Variants in FAM120A observed in about 807,000 individuals in gnomAD.
FAM120A encodes the protein family with sequence similarity 120 member A.
A neutral mutation model predicts 109.7 loss-of-function variants in FAM120A; 15 were observed. The ratio of observed to expected loss-of-function variants is 0.14; its 90% confidence interval spans 0.09 to 0.21. FAM120A has a LOEUF of 0.21. FAM120A is among the 10% of genes least tolerant of loss of function. The pLI is 1.00. For synonymous variants in FAM120A, 493 were observed against 572.8 expected (o/e 0.86, Z 1.99); for missense variants, 899 against 1,439.3 (o/e 0.62, Z 6.07).
At chr9:93,512,145 T>A (rs904847527) in intron 5 of FAM120A, among the ~76,000 whole-genome samples, 1 of 152,200 alleles carries the variant, frequency 6.6e-6, no homozygotes, top group Non-Finnish European at 1.5e-5. Flanking sequence ...TTGTTACTCT[T>A]TGTTTTGTTT....
intron 5 of FAM120A, among the ~76,000 whole-genome samples, chr9:93,503,963 G>A (rs1859918812): frequency 1.3e-5 from 2 of 152,190 alleles, no homozygotes; most frequent in South Asian, 4.1e-4. Flanking sequence ...ACAGATGAAT[G>A]TATAGTGGGG....
chr9:93,476,666 T>C (rs1285013894), intron 3 of FAM120A, among the ~76,000 whole-genome samples: 1 of 152,178 alleles, frequency 6.6e-6, no homozygotes, highest in African/African-American at 2.4e-5. Context: ...AATTTTGTCT[T>C]TAGGTAGTAT....
At chr9:93,481,375 A>G (rs1193378729) in intron 3 of FAM120A, among the ~76,000 whole-genome samples, 2 of 152,290 alleles carry the variant, frequency 1.3e-5, no homozygotes, top group Middle Eastern at 3.4e-3. Flanking sequence ...TTAAAAAAAC[A>G]TGTTTCTTGT....
intron 1 of FAM120A, among the ~76,000 whole-genome samples, chr9:93,461,123 A>G (rs950855217): frequency 1.3e-5 from 2 of 152,222 alleles, no homozygotes; most frequent in African/African-American, 4.8e-5. Context: ...TCTGTGATTT[A>G]GAAACGGTAC....
At chr9:93,523,454 C>CCTG in intron 7 of FAM120A, 1 of 446,586 alleles carries the variant, frequency 2.2e-6, no homozygotes, top group Non-Finnish European at 3.7e-6. Context: ...CAGATATCCA[C>CCTG]TTTATATTTA....
intron 3 of FAM120A, among the ~76,000 whole-genome samples, chr9:93,495,311 T>A (rs545541942): frequency 8.5e-5 from 13 of 152,250 alleles, no homozygotes; most frequent in Non-Finnish European, 1.9e-4. Context: ...TGTTAGCTAA[T>A]ATACCACCAT....
At chr9:93,479,650 A>G (rs1858710783) in intron 3 of FAM120A, among the ~76,000 whole-genome samples, 1 of 152,226 alleles carries the variant, frequency 6.6e-6, no homozygotes, top group Non-Finnish European at 1.5e-5. Flanking sequence ...GGAAGTCATC[A>G]GTAGTCGATA....
chr9:93,557,913 C>T lies in FAM120A; in HGVS notation c.2571C>T (p.Phe857=), dbSNP rs1366005266. The T allele has an allele frequency of 6.2e-7, 1 of 1,611,580 alleles. No homozygotes were observed. The highest frequency in any genetic ancestry group is 2.2e-5 in the East Asian group (1 of 44,872). ...CCAGGCAGAGCCACACGCTCCCTTT[C>T]CCGCCGCCACCTGCCCTGCCCTTCT... ...SFSRQSHTLP[F]PPPPALPFYP... The change falls in exon 14 of 18, where the codon TTC becomes TTT. Residue 857 remains phenylalanine, a synonymous_variant. Coordinates refer to ENST00000277165, the MANE Select transcript of FAM120A (RefSeq NM_014612.5).
intron 17 of FAM120A, among the ~76,000 whole-genome samples, chr9:93,563,865 C>T (rs1473203312): frequency 6.6e-6 from 1 of 152,148 alleles, no homozygotes; most frequent in African/African-American, 2.4e-5. Context: ...ATGTGGGAGA[C>T]CCTGTTTGTT....
intron 11 of FAM120A, among the ~76,000 whole-genome samples, chr9:93,545,812 G>A (rs1176231822): frequency 7.8e-5 from 5 of 64,472 alleles, no homozygotes; most frequent in African/African-American, 2.2e-4. Flanking sequence ...TTTTTGAGAC[G>A]GAGTTTTTTG....
intron 5 of FAM120A, among the ~76,000 whole-genome samples, chr9:93,502,599 C>T (rs566013924): frequency 4.0e-5 from 6 of 151,218 alleles, no homozygotes; most frequent in African/African-American, 9.7e-5. Context: ...CACACACACA[C>T]GCACACTTGC....
At chr9:93,462,019 C>A (rs4744241) in intron 1 of FAM120A, among the ~76,000 whole-genome samples, 144,450 of 152,296 alleles carry the variant, frequency 0.95, 68,576 homozygotes, top group East Asian at 1. Flanking sequence ...TTGCGAAAGC[C>A]AAAAAGAAGT....
intron 14 of FAM120A, 140 bp from the exon 15 acceptor site, chr9:93,558,441 A>C: frequency 9.5e-7 from 1 of 1,051,330 alleles, no homozygotes; most frequent in South Asian, 1.6e-5. Context: ...TGGGCACAGG[A>C]CAGTGAGGTG....
intron 5 of FAM120A, among the ~76,000 whole-genome samples, chr9:93,505,639 G>T (rs912827348): frequency 6.6e-6 from 1 of 152,196 alleles, no homozygotes; most frequent in Admixed American, 6.5e-5. Context: ...GCAGTAGTGG[G>T]CAAAGAAGGG....
At chr9:93,522,223 C>A (rs1237470732) in intron 7 of FAM120A, among the ~76,000 whole-genome samples, 1 of 152,070 alleles carries the variant, frequency 6.6e-6, no homozygotes, top group Admixed American at 6.6e-5. Context: ...TGTTTTATAT[C>A]TTTTTTCTAA....
intron 3 of FAM120A, among the ~76,000 whole-genome samples, chr9:93,488,603 A>T (rs1859174810): frequency 6.6e-6 from 1 of 151,842 alleles, no homozygotes; most frequent in Non-Finnish European, 1.5e-5. Context: ...TGGATGTTGC[A>T]CCTGCACATC....
intron 11 of FAM120A, among the ~76,000 whole-genome samples, chr9:93,545,551 T>C (rs1202730662): frequency 1.3e-5 from 2 of 152,164 alleles, no homozygotes; most frequent in Non-Finnish European, 2.9e-5. Context: ...CTGGCACCGC[T>C]TTTGCAGGCA....
chr9:93,476,369 T>C, intron 3 of FAM120A, 31 bp downstream of exon 3: 1 of 1,407,384 alleles, frequency 7.1e-7, no homozygotes, highest in Non-Finnish European at 1.0e-6. Context: ...TTCTAGCATT[T>C]GTAATAATCA....
intron 5 of FAM120A, among the ~76,000 whole-genome samples, chr9:93,505,471 A>G (rs564570780): frequency 2.6e-5 from 4 of 152,336 alleles, no homozygotes; most frequent in East Asian, 3.8e-4. Context: ...TAATCTTCCA[A>G]TCTGTGGCTT....
Sources: gnomAD v4.1 joint callset for allele counts (sites outside exome capture counted in the v4.1 genomes callset) on GRCh38, gnomAD v4.1.1 for gene constraint, MANE v1.5 for transcripts, NCBI Gene and HGNC (gene_info 2026-07-23, HGNC 2026-07-21) for gene names.